CAMK4: variants seen among roughly 807,000 people sequenced by gnomAD.
CAMK4 encodes calcium/calmodulin-dependent protein kinase type IV.
CAMK4 carries 22 observed loss-of-function variants against 44.9 expected under a neutral mutation model. That is an observed-to-expected ratio of 0.49 (90% CI 0.35 to 0.70). The LOEUF is 0.70. Among genes scored for constraint, CAMK4 ranks in the 30% least tolerant of loss-of-function variants. CAMK4 has a pLI of 0.01. For missense variants in CAMK4, 498 were observed against 586.8 expected, an observed-to-expected ratio of 0.85 and a Z score of 1.56; for synonymous variants, 218 against 215.4, an observed-to-expected ratio of 1.01 and a Z score of -0.11.
chr5:111,351,580 A>AT (rs879755536), intron 2 of CAMK4, among the ~76,000 whole-genome samples: 1,765 of 142,988 alleles, frequency 0.012, 31 homozygotes, highest in African/African-American at 0.04. Context: ...TAATTTTTGT[A>AT]TTTTTTTTTT....
intron 1 of CAMK4, among the ~76,000 whole-genome samples, chr5:111,236,588 C>T (rs1316152455): frequency 6.6e-6 from 1 of 152,198 alleles, no homozygotes; most frequent in Non-Finnish European, 1.5e-5. Context: ...ACAGATGCCT[C>T]AGTGATCTTC....
intron 4 of CAMK4, among the ~76,000 whole-genome samples, chr5:111,388,695 G>A (rs1751691934): frequency 6.6e-6 from 1 of 152,134 alleles, no homozygotes; most frequent in African/African-American, 2.4e-5. Flanking sequence ...CCAAGAGAAA[G>A]CCCATGAGTG....
In CAMK4 at chr5:111,478,517, A is replaced by T. The variant is rs751023646; in HGVS notation, c.828+10A>T. On this transcript the variant is annotated intron_variant, in intron 9 of 10. Transcript: ENST00000282356. ...AAATGCCAAGGACTTGGTAAGTGTA[A>T]CCAAAACAAAATGAAACAAAATGAA... is the stretch of plus-strand genomic sequence containing the variant. 1.4e-6 allele frequency: 2 copies of T among 1,420,720 alleles called. No homozygotes were observed. The allele number at this position is 1,420,720 out of a possible 1,614,324, so 88.0% of individuals were successfully genotyped here.
chr5:111,480,147 C>T (rs1361285632), intron 9 of CAMK4, among the ~76,000 whole-genome samples: 1 of 151,928 alleles, frequency 6.6e-6, no homozygotes, highest in Non-Finnish European at 1.5e-5. Context: ...CACCACACTT[C>T]TAGTTTCTCA....
At chr5:111,348,436 A>G (rs1162492219) in intron 2 of CAMK4, among the ~76,000 whole-genome samples, 8 of 152,052 alleles carry the variant, frequency 5.3e-5, no homozygotes, top group African/African-American at 1.2e-4. Context: ...ACTGGATACT[A>G]TGGATAGTAA....
intron 1 of CAMK4, among the ~76,000 whole-genome samples, chr5:111,329,057 G>T (rs1215207832): frequency 6.6e-6 from 1 of 151,926 alleles, no homozygotes; most frequent in Non-Finnish European, 1.5e-5. Flanking sequence ...TCCCTGGGTT[G>T]CAAGGCTGGT....
intron 1 of CAMK4, among the ~76,000 whole-genome samples, chr5:111,273,532 T>C (rs1580514010): frequency 6.6e-6 from 1 of 151,196 alleles, no homozygotes; most frequent in Middle Eastern, 3.4e-3. Flanking sequence ...TAATAATACA[T>C]GTATTCATTC....
At chr5:111,273,096 C>T (rs567723853) in intron 1 of CAMK4, among the ~76,000 whole-genome samples, 1 of 152,232 alleles carries the variant, frequency 6.6e-6, no homozygotes, top group East Asian at 1.9e-4. Context: ...TCATGTTGGA[C>T]ACATTATTGT....
chr5:111,349,193 A>T (rs1257538275), intron 2 of CAMK4, among the ~76,000 whole-genome samples: 1 of 151,830 alleles, frequency 6.6e-6, no homozygotes, highest in Non-Finnish European at 1.5e-5. Flanking sequence ...TTGTGTGGGG[A>T]TGGCCTAAGT....
intron 4 of CAMK4, among the ~76,000 whole-genome samples, chr5:111,379,035 A>C (rs756443386): frequency 1.3e-5 from 2 of 152,104 alleles, no homozygotes; most frequent in Admixed American, 6.6e-5. Context: ...TAGTTACATT[A>C]ATAGAGCAGT....
At chr5:111,461,380 T>A (rs1754636967) in intron 7 of CAMK4, among the ~76,000 whole-genome samples, 2 of 152,220 alleles carry the variant, frequency 1.3e-5, no homozygotes, top group African/African-American at 4.8e-5. Context: ...GTCACTGCAC[T>A]TAATCTCCTG....
intron 1 of CAMK4, among the ~76,000 whole-genome samples, chr5:111,276,058 A>T (rs1750747705): frequency 6.6e-6 from 1 of 152,092 alleles, no homozygotes; most frequent in Non-Finnish European, 1.5e-5. Context: ...GTGTCTGCTT[A>T]TTTTCCTCTA....
chr5:111,482,162 G>C lies in CAMK4; in HGVS notation c.829-623G>C, dbSNP rs962261097. On this transcript the variant is annotated intron_variant, in intron 9 of 10. Coordinates refer to ENST00000282356, the MANE Select transcript of CAMK4 (RefSeq NM_001744.6). The surrounding 1 kb of genome is among the most constrained non-coding windows in gnomAD (Gnocchi z 4.9). Reference sequence around the variant, plus strand: ...AGCAGGGGTAAACCTCCAAGAATGGGCTGCCATTGATTGGATTCCATTCTT... The same window carrying C: ...AGCAGGGGTAAACCTCCAAGAATGGCCTGCCATTGATTGGATTCCATTCTT... The C allele has an allele frequency of 2.0e-5, 3 of 152,110 alleles. No individual in the cohort carries two copies. Among genetic ancestry groups the C allele is most frequent in the African/African-American group, 4.8e-5 (2 of 41,412 alleles). The allele number at this position is 152,110 out of a possible 1,614,324, so 9.4% of individuals were successfully genotyped here. A position where few individuals can be genotyped will look rare whatever the true frequency, so the allele number is the denominator to read the frequency against.
chr5:111,442,493 A>T (rs1753860917), intron 5 of CAMK4, among the ~76,000 whole-genome samples: 1 of 143,304 alleles, frequency 7.0e-6, no homozygotes, highest in African/African-American at 2.6e-5. Context: ...TGCGTCTCAA[A>T]AACAAACAAA....
intron 1 of CAMK4, among the ~76,000 whole-genome samples, chr5:111,255,894 T>C (rs1159848696): frequency 6.6e-6 from 1 of 152,216 alleles, no homozygotes; most frequent in Non-Finnish European, 1.5e-5. Context: ...GTTGAATCAA[T>C]AGTGTTATTG....
At chr5:111,303,293 C>T (rs112623579) in intron 1 of CAMK4, among the ~76,000 whole-genome samples, 3,526 of 134,442 alleles carry the variant, frequency 0.026, 140 homozygotes, top group African/African-American at 0.1. Flanking sequence ...GATCAGATTA[C>T]TCTGAGCTAT....
chr5:111,420,164 T>C (rs2112915051), intron 5 of CAMK4, among the ~76,000 whole-genome samples: 1 of 151,418 alleles, frequency 6.6e-6, no homozygotes, highest in South Asian at 2.1e-4. Context: ...TTCACATCCC[T>C]TGTAAGTTGG....
intron 1 of CAMK4, among the ~76,000 whole-genome samples, chr5:111,273,718 T>TATATATATATAC (rs1325875283): frequency 2.2e-5 from 1 of 44,798 alleles, no homozygotes; most frequent in Non-Finnish European, 3.9e-5. Context: ...TATATATATA[T>TATATATATATAC]ACACACACAT....
chr5:111,352,138 G>A (rs770289564), intron 2 of CAMK4, among the ~76,000 whole-genome samples: 35 of 151,858 alleles, frequency 2.3e-4, no homozygotes, highest in Middle Eastern at 3.2e-3. Flanking sequence ...AATTTTCAGG[G>A]GACACAAATA....
Sources: gnomAD v4.1 joint callset for allele counts (sites outside exome capture counted in the v4.1 genomes callset) on GRCh38, gnomAD v4.1.1 for gene constraint, Gnocchi (gnomAD v3.1) non-coding constraint, MANE v1.5 for transcripts, NCBI Gene and HGNC (gene_info 2026-07-23, HGNC 2026-07-21) for gene names.